The following TSHZ1 variants were observed in gnomAD, a reference collection of about 807,000 sequenced individuals.
The protein encoded by TSHZ1 is teashirt homolog 1.
In TSHZ1, 12 loss-of-function variants were observed where a neutral mutation model predicts 67.1. The observed-to-expected ratio is 0.18, with a 90% CI of 0.11 to 0.29. The LOEUF is 0.29. TSHZ1 is among the 10% of genes least tolerant of loss of function. TSHZ1 has a pLI of 1.00. For missense variants in TSHZ1, 1,305 were observed against 1,413.9 expected, an observed-to-expected ratio of 0.92 and a Z score of 1.23; for synonymous variants, 632 against 622.4, an observed-to-expected ratio of 1.02 and a Z score of -0.23.
At chr18:75,243,452 G>A (rs1257011580) in intron 1 of TSHZ1, among the ~76,000 whole-genome samples, 1 of 152,098 alleles carries the variant, frequency 6.6e-6, no homozygotes, top group Non-Finnish European at 1.5e-5. Context: ...TAGATGTTAC[G>A]GGGGCATTCC....
At chr18:75,212,528 G>A (rs770569177) in intron 1 of TSHZ1, among the ~76,000 whole-genome samples, 20 of 152,114 alleles carry the variant, frequency 1.3e-4, no homozygotes, top group Non-Finnish European at 2.2e-4. Flanking sequence ...GGCAGGAGCT[G>A]GTTTTCCTTG....
At chr18:75,235,494 A>C (rs1051423167) in intron 1 of TSHZ1, among the ~76,000 whole-genome samples, 28 of 152,258 alleles carry the variant, frequency 1.8e-4, no homozygotes, top group Middle Eastern at 3.4e-3. Context: ...TCATGTGCTC[A>C]TTTCTCCAAC....
chr18:75,259,195 G>A (rs534522839), intron 1 of TSHZ1, among the ~76,000 whole-genome samples: 11 of 152,180 alleles, frequency 7.2e-5, no homozygotes, highest in South Asian at 6.2e-4. Context: ...AAAATAAGTC[G>A]CGATCATTGC....
At chr18:75,233,291 A>C (rs911032331) in intron 1 of TSHZ1, among the ~76,000 whole-genome samples, 1 of 152,240 alleles carries the variant, frequency 6.6e-6, no homozygotes, top group Non-Finnish European at 1.5e-5. Context: ...ATAAAGTACA[A>C]ACTTTTCTCA....
intron 1 of TSHZ1, among the ~76,000 whole-genome samples, chr18:75,241,690 A>G (rs1207662240): frequency 6.6e-6 from 1 of 152,138 alleles, no homozygotes; most frequent in African/African-American, 2.4e-5. Flanking sequence ...TAAACAAACC[A>G]ATAGTTAAAA....
chr18:75,286,296 A>T lies in TSHZ1; in HGVS notation c.889A>T (p.Met297Leu), dbSNP rs1428649136. ...SKPRKRSLMEMEGKEDAQKVL... is the reference protein window; with the variant it reads ...SKPRKRSLMELEGKEDAQKVL... ...GCCCAGGAAGCGCTCCCTGATGGAGATGGAGGGGAAGGAGGATGCCCAGAA... is the reference window on the plus strand; with the variant it reads ...GCCCAGGAAGCGCTCCCTGATGGAGTTGGAGGGGAAGGAGGATGCCCAGAA... Residue 297 changes from methionine (M) to leucine (L), a missense_variant, in exon 2 of 2, where the codon ATG (methionine) becomes TTG (leucine). Physicochemically the swap from Met to Leu is conservative, Grantham distance 15 (BLOSUM62 2). Transcript: ENST00000580243. This position sits in a 1 kb window ranked among gnomAD's most constrained non-coding sequence, Gnocchi z 5.1. The T allele has an allele frequency of 1.2e-6, 2 of 1,612,720 alleles. No homozygotes were observed. The highest frequency in any genetic ancestry group is 2.7e-5 in the African/African-American group (2 of 74,838).
intron 1 of TSHZ1, chr18:75,282,750 T>C (rs1159005815): frequency 1.3e-5 from 2 of 152,158 alleles, no homozygotes; most frequent in East Asian, 3.9e-4. Context: ...GGAAGTTCTG[T>C]TGGTCAAGCC....
intron 1 of TSHZ1, among the ~76,000 whole-genome samples, chr18:75,257,166 T>C (rs1216412089): frequency 3.9e-5 from 6 of 152,194 alleles, no homozygotes; most frequent in Admixed American, 3.9e-4. Flanking sequence ...TGACCTTCAA[T>C]TGGGGGATCA....
chr18:75,281,448 A>G lies in TSHZ1; in HGVS notation c.41-4000A>G, dbSNP rs924136420. Among the ~76,000 whole-genome samples, 2 of 152,194 alleles carry G rather than the reference A, an allele frequency of 1.3e-5. No homozygotes were observed. Among genetic ancestry groups the G allele is most frequent in the Non-Finnish European group, 2.9e-5 (2 of 68,032 alleles). On this transcript the variant is annotated intron_variant, in intron 1 of 1. Coordinates refer to ENST00000580243, the MANE Select transcript of TSHZ1 (RefSeq NM_001308210.2). This position sits in a 1 kb window ranked among gnomAD's most constrained non-coding sequence, Gnocchi z 5.3. ...GTGTGATGTGGAGCACCCGTGTCACATTAGATCTGTGGCAGAACAGTGGGG... is the reference window on the plus strand; with the variant it reads ...GTGTGATGTGGAGCACCCGTGTCACGTTAGATCTGTGGCAGAACAGTGGGG...
At chr18:75,244,178 G>A (rs1305922849) in intron 1 of TSHZ1, among the ~76,000 whole-genome samples, 1 of 152,110 alleles carries the variant, frequency 6.6e-6, no homozygotes, top group Non-Finnish European at 1.5e-5. Flanking sequence ...GGAGTTCCGG[G>A]TTCCCTTGCA....
In TSHZ1 at chr18:75,286,832, C is replaced by T. The variant is rs1264332939; in HGVS notation, c.1425C>T (p.His475=). 6.2e-7 allele frequency: 1 copy of T among 1,614,016 alleles called. No individual in the cohort carries two copies. Among genetic ancestry groups the T allele is most frequent in the East Asian group, 2.2e-5 (1 of 44,862 alleles). The part of the protein sequence containing the change: ...IQSIPLPPTT[H]TRLPASSIKK... ...CCATCCCACTACCGCCCACCACCCA[C>T]ACGCGGCTGCCGGCCTCCAGCATCA... Residue 475 remains histidine, a synonymous_variant, in exon 2 of 2, where the codon CAC becomes CAT. Transcript: ENST00000580243. The surrounding 1 kb of genome is among the most constrained non-coding windows in gnomAD (Gnocchi z 5.1).
chr18:75,251,673 GTGT>G (rs2122568244), intron 1 of TSHZ1, among the ~76,000 whole-genome samples: 1 of 152,246 alleles, frequency 6.6e-6, no homozygotes, highest in East Asian at 1.9e-4. Context: ...CTGTGAAGTA[GTGT>G]TGTTTCAGCT....
intron 1 of TSHZ1, among the ~76,000 whole-genome samples, chr18:75,235,070 C>T (rs1319578959): frequency 6.6e-6 from 1 of 152,166 alleles, no homozygotes; most frequent in Non-Finnish European, 1.5e-5. Flanking sequence ...GTCAGCGTGT[C>T]ACACCCGTGT....
At chr18:75,214,766 G>C (rs2022744898) in intron 1 of TSHZ1, among the ~76,000 whole-genome samples, 1 of 152,146 alleles carries the variant, frequency 6.6e-6, no homozygotes. Flanking sequence ...TCGTAATGAA[G>C]CGGCTTCTTA....
chr18:75,252,675 G>A (rs776220976), intron 1 of TSHZ1, among the ~76,000 whole-genome samples: 17 of 152,118 alleles, frequency 1.1e-4, no homozygotes, highest in East Asian at 1.9e-4. Context: ...TTAAAAATCT[G>A]TTTTTCCTAA....
intron 1 of TSHZ1, among the ~76,000 whole-genome samples, chr18:75,237,844 C>T (rs1031008343): frequency 7.1e-6 from 1 of 141,546 alleles, no homozygotes; most frequent in African/African-American, 2.5e-5. Context: ...CGGGGTTTCA[C>T]TCTTGTTGCC....
chr18:75,244,283 A>G (rs1321254856), intron 1 of TSHZ1, among the ~76,000 whole-genome samples: 2 of 152,154 alleles, frequency 1.3e-5, no homozygotes, highest in African/African-American at 4.8e-5. Flanking sequence ...TTTATATCAC[A>G]ACCGGGTAAG....
intron 1 of TSHZ1, among the ~76,000 whole-genome samples, chr18:75,230,545 G>A (rs2022984436): frequency 6.6e-6 from 1 of 152,102 alleles, no homozygotes; most frequent in African/African-American, 2.4e-5. Flanking sequence ...GTTTGAATGA[G>A]GTGATTTATG....
chr18:75,243,523 G>A (rs2122554323), intron 1 of TSHZ1, among the ~76,000 whole-genome samples: 1 of 152,298 alleles, frequency 6.6e-6, no homozygotes, highest in Non-Finnish European at 1.5e-5. Flanking sequence ...GTGGGCTGAG[G>A]GGTGGGGAAG....
Sources: gnomAD v4.1 joint callset for allele counts (sites outside exome capture counted in the v4.1 genomes callset) on GRCh38, gnomAD v4.1.1 for gene constraint, Gnocchi (gnomAD v3.1) non-coding constraint, MANE v1.5 for transcripts, NCBI Gene and HGNC (gene_info 2026-07-23, HGNC 2026-07-21) for gene names.